TMTC1: variants seen among roughly 807,000 people sequenced by gnomAD.
TMTC1 encodes protein O-mannosyl-transferase TMTC1.
In TMTC1, 73 loss-of-function variants were observed where a neutral mutation model predicts 104.8. That is an observed-to-expected ratio of 0.70 (90% CI 0.58 to 0.85). TMTC1 has a LOEUF of 0.85. Among genes scored for constraint, TMTC1 ranks in the 40% least tolerant of loss-of-function variants. The pLI, the probability that TMTC1 is intolerant of heterozygous loss-of-function variation, is 0.00. For synonymous variants in TMTC1, 434 were observed against 428.7 expected, an observed-to-expected ratio of 1.01 and a Z score of -0.15; for missense variants, 1,035 against 1,096.1, an observed-to-expected ratio of 0.94 and a Z score of 0.79.
chr12:29,753,928 G>A (rs552649329), intron 4 of TMTC1, among the ~76,000 whole-genome samples: 12 of 152,254 alleles, frequency 7.9e-5, no homozygotes, highest in South Asian at 2.1e-4. Flanking sequence ...GTGCAGTAGC[G>A]CAGTCTTGGC....
intron 5 of TMTC1, among the ~76,000 whole-genome samples, chr12:29,674,010 C>T (rs1351114188): frequency 2.0e-5 from 3 of 151,770 alleles, no homozygotes; most frequent in Admixed American, 6.6e-5. Context: ...CTGCCAGCCT[C>T]GGCCTCCCAA....
intron 6 of TMTC1, among the ~76,000 whole-genome samples, chr12:29,604,826 T>A (rs1235539062): frequency 6.6e-6 from 1 of 152,232 alleles, no homozygotes; most frequent in African/African-American, 2.4e-5. Flanking sequence ...GAGAGAATCA[T>A]TTGAATTGAA....
Position 29,633,334 on chromosome 12 carries a change from A to T in TMTC1, c.941T>A (p.Phe314Tyr). Residue 314 changes from phenylalanine (F) to tyrosine (Y), a missense_variant and splice_region_variant, in exon 6 of 18, where the codon TTC becomes TAC. Transcript: ENST00000539277. Reference protein sequence around the residue: ...SPRAVWSMMRFLTYSYLLAFN... With the variant: ...SPRAVWSMMRYLTYSYLLAFN... ...GGCCAAGAGGTAGGAATAGGTGAGG[A>T]ATCTATAAAGAGAAGAAGAATCACT... 6.2e-7 allele frequency: 1 copy of T among 1,604,516 alleles called. No homozygotes were observed. The highest frequency in any genetic ancestry group is 1.1e-5 in the South Asian group (1 of 89,976).
intron 5 of TMTC1, among the ~76,000 whole-genome samples, chr12:29,714,267 A>T (rs954016474): frequency 5.3e-5 from 8 of 152,216 alleles, no homozygotes; most frequent in Admixed American, 4.6e-4. Flanking sequence ...TGCAATTCAA[A>T]CAATCATTTA....
At chr12:29,740,853 G>A (rs1942806180) in intron 5 of TMTC1, among the ~76,000 whole-genome samples, 1 of 152,134 alleles carries the variant, frequency 6.6e-6, no homozygotes, top group Non-Finnish European at 1.5e-5. Context: ...AAGCCCCAGA[G>A]AGGCAAAAAT....
intron 3 of TMTC1, 125 bp from the exon 4 acceptor site, chr12:29,756,010 G>T: frequency 9.8e-7 from 1 of 1,024,034 alleles, no homozygotes; most frequent in Non-Finnish European, 1.4e-6. Context: ...CAGGTAAGTA[G>T]AGATTTCTTA....
chr12:29,718,101 AAAAC>A (rs1184290627), intron 5 of TMTC1, among the ~76,000 whole-genome samples: 6 of 152,286 alleles, frequency 3.9e-5, no homozygotes, highest in African/African-American at 1.2e-4. Flanking sequence ...CACACTCACC[AAAAC>A]AAACAAACAA....
intron 17 of TMTC1, among the ~76,000 whole-genome samples, chr12:29,511,745 A>G (rs1943842999): frequency 6.6e-6 from 1 of 152,136 alleles, no homozygotes; most frequent in Non-Finnish European, 1.5e-5. Context: ...CCATAAACAG[A>G]TTTTACCTGC....
chr12:29,588,519 T>A (rs1447143968), intron 7 of TMTC1, among the ~76,000 whole-genome samples: 3 of 152,178 alleles, frequency 2.0e-5, no homozygotes, highest in Non-Finnish European at 4.4e-5. Context: ...ATCAGATATT[T>A]AACAAACATT....
intron 5 of TMTC1, among the ~76,000 whole-genome samples, chr12:29,643,696 T>TA (rs1321804583): frequency 0.021 from 764 of 36,254 alleles, 229 homozygotes; most frequent in African/African-American, 0.026. Context: ...ATATATTATA[T>TA]ATATTATATA....
chr12:29,516,552 A>G, intron 14 of TMTC1, 66 bp from the exon 15 acceptor site: 1 of 1,521,112 alleles, frequency 6.6e-7, no homozygotes, highest in East Asian at 2.3e-5. Flanking sequence ...AGCATCCCTG[A>G]ATAGAAGCAT....
intron 5 of TMTC1, among the ~76,000 whole-genome samples, chr12:29,700,075 G>GAAATA (rs1365485064): frequency 6.6e-6 from 1 of 151,538 alleles, no homozygotes. Flanking sequence ...TAGAGATAGG[G>GAAATA]TCTTGTTCTG....
chr12:29,683,510 C>T (rs1940989448), intron 5 of TMTC1, among the ~76,000 whole-genome samples: 1 of 152,186 alleles, frequency 6.6e-6, no homozygotes, highest in Middle Eastern at 3.2e-3. Context: ...AGCCTCAACG[C>T]AAAATATGCT....
chr12:29,746,983 A>G (rs545536771), intron 5 of TMTC1, among the ~76,000 whole-genome samples: 117 of 152,350 alleles, frequency 7.7e-4, no homozygotes, highest in African/African-American at 2.6e-3. Flanking sequence ...ACAGTATTCA[A>G]TGAATGAATG....
chr12:29,572,475 C>G (rs1945706498), intron 8 of TMTC1, among the ~76,000 whole-genome samples: 1 of 152,122 alleles, frequency 6.6e-6, no homozygotes, highest in African/African-American at 2.4e-5. Flanking sequence ...AACAAAATGC[C>G]CTTAGCATAT....
At chr12:29,702,060 A>AAT (rs1245595681) in intron 5 of TMTC1, among the ~76,000 whole-genome samples, 1 of 152,200 alleles carries the variant, frequency 6.6e-6, no homozygotes, top group African/African-American at 2.4e-5. Context: ...GAATAATATG[A>AAT]ATATATACTA....
At chr12:29,758,893 T>C (rs892763633) in intron 2 of TMTC1, 116 bp from the exon 3 acceptor site, 7 of 888,442 alleles carry the variant, frequency 7.9e-6, no homozygotes, top group African/African-American at 1.7e-5. Flanking sequence ...TATAATAAAA[T>C]AGAAATCTCA....
At chr12:29,613,999 C>A (rs1946913371) in intron 6 of TMTC1, 1 of 894,342 alleles carries the variant, frequency 1.1e-6, no homozygotes, top group Non-Finnish European at 1.3e-6. Flanking sequence ...GGAGAAAGAA[C>A]CATAAAAAAG....
At chr12:29,586,544 T>C (rs1592275748) in intron 7 of TMTC1, among the ~76,000 whole-genome samples, 1 of 152,272 alleles carries the variant, frequency 6.6e-6, no homozygotes, top group East Asian at 1.9e-4. Context: ...CCAGTTTTTG[T>C]CCATTCAGTA....
Sources: allele counts gnomAD v4.1 joint callset (sites outside exome capture counted in the v4.1 genomes callset), GRCh38; gene constraint gnomAD v4.1.1; transcripts MANE v1.5; gene names NCBI Gene and HGNC (gene_info 2026-07-23, HGNC 2026-07-21).